Variants in DPY19L1 observed in about 807,000 individuals in gnomAD.
DPY19L1 encodes the protein protein C-mannosyl-transferase DPY19L1.
A neutral mutation model predicts 96.9 loss-of-function variants in DPY19L1; 35 were observed. The observed-to-expected ratio is 0.36, with a 90% CI of 0.28 to 0.48. The LOEUF (loss-of-function observed/expected upper bound fraction) is 0.48. Ranked by LOEUF, DPY19L1 falls within the 20% of genes least tolerant of loss-of-function variation. The pLI, the probability that DPY19L1 is intolerant of heterozygous loss-of-function variation, is 0.99. For missense variants in DPY19L1, 521 were observed against 777.9 expected (o/e 0.67, Z 3.93); for synonymous variants, 205 against 252.6 (o/e 0.81, Z 1.79).
intron 14 of DPY19L1, among the ~76,000 whole-genome samples, chr7:34,948,155 TTTTC>T (rs780080806): frequency 4.7e-5 from 7 of 147,866 alleles, no homozygotes; most frequent in Non-Finnish European, 7.6e-5. Flanking sequence ...GGCTTTTACA[TTTTC>T]TTTAGTAGCA....
chr7:35,029,566 T>C (rs1786211311), intron 1 of DPY19L1, among the ~76,000 whole-genome samples: 1 of 152,228 alleles, frequency 6.6e-6, no homozygotes, highest in African/African-American at 2.4e-5. Flanking sequence ...CAAATCTTGC[T>C]TATCTTTTAA....
chr7:35,035,928 G>A lies in DPY19L1; in HGVS notation c.298+1169C>T, dbSNP rs539191294. ...GAGATAAAAAAAAAGGGGGCGGGGG[G>A]AAATGTGCTGGAAACAGACAAACAA... On this transcript the variant is annotated intron_variant, in intron 1 of 21. Coordinates refer to ENST00000638088, the MANE Select transcript of DPY19L1 (RefSeq NM_001366673.1). Among the ~76,000 whole-genome samples, 8 of 151,792 alleles carry A rather than the reference G, an allele frequency of 5.3e-5. No individual in the cohort carries two copies. In the East Asian group the frequency reaches 1.4e-3, roughly 26 times the overall value.
At chr7:34,972,963 T>C (rs1352146538) in intron 8 of DPY19L1, among the ~76,000 whole-genome samples, 42 of 152,232 alleles carry the variant, frequency 2.8e-4, no homozygotes, top group Admixed American at 5.2e-4. Flanking sequence ...AAAGTTCTTC[T>C]GAATTCGGAG....
chr7:34,937,871 G>A, intron 21 of DPY19L1, 123 bp downstream of exon 21: 1 of 1,028,572 alleles, frequency 9.7e-7, no homozygotes, highest in South Asian at 1.9e-5. Flanking sequence ...AAAAAAAGAA[G>A]AAGTTTTTCC....
chr7:34,973,006 C>A (rs1386968739), intron 8 of DPY19L1, among the ~76,000 whole-genome samples: 1 of 152,198 alleles, frequency 6.6e-6, no homozygotes, highest in African/African-American at 2.4e-5. Context: ...TCTGAGTCAT[C>A]TTCAGATTTT....
chr7:35,021,733 C>T (rs1055476449), intron 1 of DPY19L1, among the ~76,000 whole-genome samples: 2 of 152,180 alleles, frequency 1.3e-5, no homozygotes, highest in African/African-American at 4.8e-5. Context: ...CCCTGCACTG[C>T]ATGGCTGTTG....
chr7:35,013,482 G>C (rs1785764937), intron 4 of DPY19L1, 86 bp downstream of exon 4: 4 of 1,027,556 alleles, frequency 3.9e-6, no homozygotes, highest in Non-Finnish European at 5.8e-6. Flanking sequence ...TTAATATATT[G>C]AATTATATCT....
rs569445163 is a variant in DPY19L1, at chr7:34,929,849, C to A, written c.*1724G>T. 21 of 152,354 alleles carry A rather than the reference C, an allele frequency of 1.4e-4. No individual in the cohort carries two copies. The highest frequency in any genetic ancestry group is 4.3e-4 in the African/African-American group (18 of 41,582). 9.4% of individuals were successfully genotyped at this position (152,354 alleles called of 1,614,324 possible). ...AAACAGTCAACCAGCAAATGAGAAA[C>A]AGTGGCCACAAATCTGAAGAACGCT... is the stretch of plus-strand genomic sequence containing the variant. On this transcript the variant is annotated 3_prime_UTR_variant, in exon 22 of 22. Transcript: ENST00000638088.
rs766641224 is a variant in DPY19L1 at position 34,940,167 on chromosome 7, T to C, written c.1850A>G (p.Tyr617Cys). Residue 617 changes from tyrosine to cysteine, a missense_variant, in exon 19 of 22, where the codon TAT becomes TGT. Tyr to Cys is a radical substitution (Grantham distance 194). Coordinates refer to ENST00000638088, the MANE Select transcript of DPY19L1 (RefSeq NM_001366673.1). Reference sequence around the variant, plus strand: ...TTTTTTTTTACCTGGTTTAGTACTATATTTGATCCATTCTATAAGTTCTTC... The same window carrying C: ...TTTTTTTTTACCTGGTTTAGTACTACATTTGATCCATTCTATAAGTTCTTC... ...PQEELIEWIKYSTKPDAVFAG... is the reference protein window; with the variant it reads ...PQEELIEWIKCSTKPDAVFAG... The C allele has an allele frequency of 2.4e-5, 37 of 1,564,872 alleles. No individual in the cohort carries two copies. Among genetic ancestry groups the C allele is most frequent in the Non-Finnish European group, 3.0e-5 (35 of 1,157,218 alleles).
At chr7:34,979,243 T>C (rs1280726590) in intron 7 of DPY19L1, among the ~76,000 whole-genome samples, 7 of 152,078 alleles carry the variant, frequency 4.6e-5, no homozygotes, top group Admixed American at 1.3e-4. Flanking sequence ...AAATAGAAAA[T>C]ATATCTGGCA....
chr7:35,015,339 C>T (rs329232), intron 3 of DPY19L1, among the ~76,000 whole-genome samples: 41,632 of 151,980 alleles, frequency 0.27, 5,815 homozygotes, highest in Non-Finnish European at 0.31. Flanking sequence ...AAAATGGAGC[C>T]CAGGAACTTG....
intron 19 of DPY19L1, among the ~76,000 whole-genome samples, chr7:34,939,920 A>T (rs1458930504): frequency 6.6e-6 from 1 of 152,208 alleles, no homozygotes; most frequent in Non-Finnish European, 1.5e-5. Flanking sequence ...AAAAAATTAA[A>T]ATCTATAAAA....
chr7:34,936,626 T>G (rs954524730), intron 21 of DPY19L1, among the ~76,000 whole-genome samples: 5 of 152,228 alleles, frequency 3.3e-5, no homozygotes, highest in Admixed American at 6.5e-5. Context: ...TAAATTTATA[T>G]AACAATGTTA....
chr7:35,033,183 T>C (rs923527642), intron 1 of DPY19L1, among the ~76,000 whole-genome samples: 2 of 152,236 alleles, frequency 1.3e-5, no homozygotes, highest in African/African-American at 4.8e-5. Flanking sequence ...TGCTAAGCTC[T>C]GTCATACTCT....
chr7:34,979,720 A>G (rs1784900345), intron 7 of DPY19L1, among the ~76,000 whole-genome samples: 3 of 152,180 alleles, frequency 2.0e-5, no homozygotes, highest in Admixed American at 2.0e-4. Context: ...ATCATAAAAT[A>G]TCTAGAGATT....
In DPY19L1 at chr7:35,037,162, C is replaced by G. The variant is rs1364797323; in HGVS notation, c.233G>C (p.Arg78Pro). Residue 78 changes from arginine (R) to proline (P), a missense_variant, in exon 1 of 22, where the codon CGG (arginine) becomes CCG (proline). Coordinates refer to ENST00000638088, the MANE Select transcript of DPY19L1 (RefSeq NM_001366673.1). Reference protein sequence around the residue: ...GGGLGGRLAARLRWALGLRRA... With the variant: ...GGGLGGRLAAPLRWALGLRRA... ...CCGCAGGCCCAGCGCCCAGCGCAGC[C>G]GGGCGGCCAGGCGCCCCCCAAGGCC... 5.9e-6 allele frequency: 1 copy of G among 168,994 alleles called. No individual in the cohort carries two copies. Among genetic ancestry groups the G allele is most frequent in the Non-Finnish European group, 1.2e-5 (1 of 80,594 alleles). The allele number at this position is 168,994 out of a possible 1,614,324, so 10.5% of individuals were successfully genotyped here. A position where few individuals can be genotyped will look rare whatever the true frequency, so the allele number is the denominator to read the frequency against.
At chr7:34,955,763 T>C (rs1248664254) in intron 11 of DPY19L1, among the ~76,000 whole-genome samples, 1 of 152,218 alleles carries the variant, frequency 6.6e-6, no homozygotes, top group Non-Finnish European at 1.5e-5. Flanking sequence ...GAAATGTTAA[T>C]GGATCAACTA....
chr7:34,968,634 G>A (rs575953269), intron 9 of DPY19L1, among the ~76,000 whole-genome samples: 182 of 151,896 alleles, frequency 1.2e-3, no homozygotes, highest in Non-Finnish European at 1.9e-3. Context: ...GCTGGGTGTG[G>A]TGGCACGTGC....
chr7:34,940,227 C>T lies in DPY19L1; in HGVS notation c.1790G>A (p.Trp597Ter). ...IQGSANLQTQ[W>*]NIVGEFSNLP... Reference sequence around the variant, plus strand: ...ATTGCTGAACTCCCCTACAATATTCCACTGGGTTTGCAGATTTGCTGAACC... The same window carrying T: ...ATTGCTGAACTCCCCTACAATATTCTACTGGGTTTGCAGATTTGCTGAACC... The change falls in exon 19 of 22, where the codon TGG (tryptophan) becomes TAG (stop). Residue 597 changes from tryptophan to a stop codon, truncating the protein, a stop_gained. Coordinates refer to ENST00000638088, the MANE Select transcript of DPY19L1 (RefSeq NM_001366673.1). LOFTEE classifies it high-confidence loss of function. 6.2e-7 allele frequency: 1 copy of T among 1,611,624 alleles called. No homozygotes were observed. Among genetic ancestry groups the T allele is most frequent in the Non-Finnish European group, 8.5e-7 (1 of 1,179,518 alleles).
Sources: gnomAD v4.1 joint callset for allele counts (sites outside exome capture counted in the v4.1 genomes callset) on GRCh38, gnomAD v4.1.1 for gene constraint, MANE v1.5 for transcripts, NCBI Gene and HGNC (gene_info 2026-07-23, HGNC 2026-07-21) for gene names.